The following UGT1A8 variants were observed in gnomAD, a reference collection of about 807,000 sequenced individuals.
UGT1A8 encodes UDP-glucuronosyltransferase 1A8.
In UGT1A8, 39 loss-of-function variants were observed where a neutral mutation model predicts 45.3. That is an observed-to-expected ratio of 0.86 (90% CI 0.67 to 1.12). The LOEUF is 1.12. Ranked by LOEUF, UGT1A8 falls within the 50% of genes most tolerant of loss-of-function variation. UGT1A8 has a pLI of 0.00. For missense variants in UGT1A8, 719 were observed against 664.9 expected (o/e 1.08, Z -0.90); for synonymous variants, 275 against 249.2 (o/e 1.10, Z -0.97).
chr2:233,695,179 G>A (rs2075270540), intron 1 of UGT1A8, among the ~76,000 whole-genome samples: 1 of 147,376 alleles, frequency 6.8e-6, no homozygotes, highest in Non-Finnish European at 1.5e-5. Flanking sequence ...AGGCTGGAGT[G>A]CAGTGGTGCG....
chr2:233,763,534 C>A (rs545430015), intron 1 of UGT1A8, among the ~76,000 whole-genome samples: 1 of 152,066 alleles, frequency 6.6e-6, no homozygotes, highest in Non-Finnish European at 1.5e-5. Flanking sequence ...CTCCTTTTTC[C>A]GGATTTCTAC....
intron 1 of UGT1A8, among the ~76,000 whole-genome samples, chr2:233,649,226 G>C (rs188319234): frequency 1.3e-5 from 2 of 152,132 alleles, no homozygotes; most frequent in Non-Finnish European, 2.9e-5. Context: ...ATGTGTATAC[G>C]ATTGGTTAAT....
At chr2:233,687,962 A>G (rs2074871395) in intron 1 of UGT1A8, among the ~76,000 whole-genome samples, 1 of 152,230 alleles carries the variant, frequency 6.6e-6, no homozygotes, top group Non-Finnish European at 1.5e-5. Context: ...ATTGATATGT[A>G]ATTCATGTAT....
intron 1 of UGT1A8, among the ~76,000 whole-genome samples, chr2:233,670,297 G>A: frequency 6.6e-6 from 1 of 152,212 alleles, no homozygotes; most frequent in East Asian, 1.9e-4. Flanking sequence ...GGCAGAGGGG[G>A]AAGAAGTGGA....
chr2:233,725,046 G>T (rs1307782959), intron 1 of UGT1A8, among the ~76,000 whole-genome samples: 2 of 147,958 alleles, frequency 1.4e-5, no homozygotes, highest in Non-Finnish European at 3.0e-5. Context: ...AACCAGTCAG[G>T]CGTGGCGGCG....
At chr2:233,745,000 A>T in intron 1 of UGT1A8, among the ~76,000 whole-genome samples, 1 of 151,770 alleles carries the variant, frequency 6.6e-6, no homozygotes, top group Non-Finnish European at 1.5e-5. Context: ...GATTACTTTT[A>T]CCTAATAAAT....
chr2:233,693,232 AATCT>A, intron 1 of UGT1A8: 1 of 1,614,188 alleles, frequency 6.2e-7, no homozygotes, highest in Non-Finnish European at 8.5e-7. Flanking sequence ...ACACAAGAAA[AATCT>A]ATCCAGTGCC....
intron 1 of UGT1A8, among the ~76,000 whole-genome samples, chr2:233,678,646 T>C (rs1309873560): frequency 2.6e-5 from 4 of 152,218 alleles, no homozygotes; most frequent in African/African-American, 7.2e-5. Context: ...TCTTAAATAA[T>C]TGGAAGCATT....
At chr2:233,639,018 C>A (rs548528581) in intron 1 of UGT1A8, among the ~76,000 whole-genome samples, 5 of 152,310 alleles carry the variant, frequency 3.3e-5, no homozygotes, top group African/African-American at 1.2e-4. Context: ...CAGCCTTCGG[C>A]CGAGTTGAGG....
In UGT1A8 at chr2:233,650,838, A is replaced by G. The variant is rs28969693; in HGVS notation, c.855+32276A>G. 4.9e-3 allele frequency among the ~76,000 whole-genome samples: 747 copies of G among 152,296 alleles called. 10 individuals are homozygous for G. Among genetic ancestry groups the G allele is most frequent in the African/African-American group, 0.017 (707 of 41,570 alleles). Reference sequence around the variant, plus strand: ...TTTGGCACAAAGAAATTTGAAATCCATGCTTAAGTTTTTCATAATATGAAT... The same window carrying G: ...TTTGGCACAAAGAAATTTGAAATCCGTGCTTAAGTTTTTCATAATATGAAT... On this transcript the variant is annotated intron_variant, in intron 1 of 4. Coordinates refer to ENST00000373450, the MANE Select transcript of UGT1A8 (RefSeq NM_019076.5).
Position 233,769,697 on chromosome 2 carries a change from A to C in UGT1A8, c.1295+1258A>C. The C allele has an allele frequency of 6.5e-7, 1 of 1,535,580 alleles. No individual in the cohort carries two copies. The highest frequency in any genetic ancestry group is 8.8e-7 in the Non-Finnish European group (1 of 1,140,024). On this transcript the variant is annotated intron_variant, in intron 4 of 4. Transcript: ENST00000373450. The surrounding 1 kb of genome is among the most constrained non-coding windows in gnomAD (Gnocchi z 4.4). ...TGTGTGTGTGGTGGCACTGGATAAA[A>C]GATCAATGTTGGCTAGGCACCATGG...
At chr2:233,706,356 C>A (rs1347100238) in intron 1 of UGT1A8, among the ~76,000 whole-genome samples, 1 of 152,190 alleles carries the variant, frequency 6.6e-6, no homozygotes, top group African/African-American at 2.4e-5. Context: ...AAACATTCTT[C>A]CAATTTAGGC....
At chr2:233,690,890 A>T in intron 1 of UGT1A8, 16 of 1,058,460 alleles carry the variant, frequency 1.5e-5, no homozygotes, top group Non-Finnish European at 1.8e-5. Context: ...AATTCAAGGG[A>T]TGGTATGCAT....
intron 1 of UGT1A8, among the ~76,000 whole-genome samples, chr2:233,652,319 A>T (rs1305699864): frequency 6.6e-6 from 1 of 152,218 alleles, no homozygotes; most frequent in Non-Finnish European, 1.5e-5. Context: ...CTACAGTGTA[A>T]TGAGCACCCA....
At chr2:233,748,529 G>A (rs1353260497) in intron 1 of UGT1A8, among the ~76,000 whole-genome samples, 1 of 151,782 alleles carries the variant, frequency 6.6e-6, no homozygotes, top group Non-Finnish European at 1.5e-5. Context: ...ATGATAGAGA[G>A]GTGACCACAG....
chr2:233,724,327 A>G (rs1359142433), intron 1 of UGT1A8, among the ~76,000 whole-genome samples: 358 of 72,230 alleles, frequency 5.0e-3, no homozygotes, highest in African/African-American at 8.2e-3. Flanking sequence ...GCGGCTGGCC[A>G]GGCGGGGGGC....
At chr2:233,760,521 G>C (rs2125985351) in intron 1 of UGT1A8, 1 of 1,614,238 alleles carries the variant, frequency 6.2e-7, no homozygotes, top group East Asian at 2.2e-5. Flanking sequence ...CCTTGAAGAC[G>C]TACCCTGTGC....
At chr2:233,635,253 G>C (rs2741032) in intron 1 of UGT1A8, among the ~76,000 whole-genome samples, 112,835 of 149,720 alleles carry the variant, frequency 0.75, 43,550 homozygotes, top group Non-Finnish European at 0.79. Context: ...TCATTTCAAC[G>C]TTGGTGAATC....
intron 1 of UGT1A8, chr2:233,743,295 G>A (rs1319359883): frequency 1.8e-6 from 1 of 548,688 alleles, no homozygotes; most frequent in African/African-American, 2.0e-5. Flanking sequence ...CATTCTCAAT[G>A]ATTCTCTTGG....
Sources: allele counts gnomAD v4.1 joint callset (sites outside exome capture counted in the v4.1 genomes callset), GRCh38; gene constraint gnomAD v4.1.1; non-coding constraint Gnocchi (gnomAD v3.1); transcripts MANE v1.5; gene names NCBI Gene and HGNC (gene_info 2026-07-23, HGNC 2026-07-21).